The following TEAD2 variants were observed in gnomAD, a reference collection of about 807,000 sequenced individuals.
TEAD2 encodes TEA domain transcription factor 2.
A neutral mutation model predicts 61.4 loss-of-function variants in TEAD2; 51 were observed. That is an observed-to-expected ratio of 0.83 (90% CI 0.66 to 1.05). TEAD2 has a LOEUF of 1.05. Among genes scored for constraint, TEAD2 ranks in the 50% least tolerant of loss-of-function variants. The probability of loss-of-function intolerance (pLI) is 0.00; values close to 1 mark genes in which losing one functional copy is unlikely to be tolerated. For missense variants in TEAD2, 509 were observed against 600.0 expected (o/e 0.85, Z 1.58); for synonymous variants, 244 against 243.2 (o/e 1.00, Z -0.03).
At chr19:49,354,268 T>C (rs1308343993) in intron 7 of TEAD2, among the ~76,000 whole-genome samples, 6 of 148,072 alleles carry the variant, frequency 4.1e-5, no homozygotes, top group African/African-American at 1.5e-4. Flanking sequence ...CTTTGGGAGG[T>C]CCAGGCAGGG....
chr19:49,355,490 G>C (rs750385203), intron 5 of TEAD2, 71 bp from the exon 6 acceptor site: 13 of 1,355,498 alleles, frequency 9.6e-6, no homozygotes, highest in Non-Finnish European at 1.4e-5. Context: ...GATGGTGCCA[G>C]GGTGGGGTGA....
intron 9 of TEAD2, among the ~76,000 whole-genome samples, chr19:49,347,763 C>G (rs540067666): frequency 1.3e-5 from 2 of 152,334 alleles, no homozygotes; most frequent in South Asian, 4.1e-4. Flanking sequence ...GCTCACACCC[C>G]CTAGGCCTGG....
intron 7 of TEAD2, among the ~76,000 whole-genome samples, chr19:49,353,857 T>C (rs149788726): frequency 0.017 from 2,609 of 151,592 alleles, 72 homozygotes; most frequent in African/African-American, 0.054. Context: ...CTTGGCTCAA[T>C]GCAACCTCTG....
At position 49,359,769 on chromosome 19, in the gene TEAD2, A is replaced by C. The variant is rs112575686; in HGVS notation, c.232+75T>G. On this transcript the variant is annotated intron_variant, in intron 2 of 12. Transcript: ENST00000593945. This position sits in a 1 kb window ranked among gnomAD's most constrained non-coding sequence, Gnocchi z 4.1. Reference sequence around the variant, plus strand: ...AAATGGTGATGCTAGCTCCTACTTCAGAGTGCTCCATAAACCTTGGTTACT... The same window carrying C: ...AAATGGTGATGCTAGCTCCTACTTCCGAGTGCTCCATAAACCTTGGTTACT... The C allele has an allele frequency of 6.9e-6, 10 of 1,451,604 alleles. No individual in the cohort carries two copies. The highest frequency in any genetic ancestry group is 9.5e-6 in the Non-Finnish European group (10 of 1,049,890). 89.9% of individuals were successfully genotyped at this position (1,451,604 alleles called of 1,614,324 possible).
At position 49,341,759 on chromosome 19, in the gene TEAD2, C is replaced by T. The variant is rs1182108194; in HGVS notation, c.1243-322G>A. On this transcript the variant is annotated intron_variant, in intron 12 of 12. Transcript: ENST00000593945. The surrounding 1 kb of genome is among the most constrained non-coding windows in gnomAD (Gnocchi z 4.2). ...AAGGGAGAACCCTCCCTGCAGGTTCCGCGGTCAAGGGGTCTCTGCCTCAGC... is the reference window on the plus strand; with the variant it reads ...AAGGGAGAACCCTCCCTGCAGGTTCTGCGGTCAAGGGGTCTCTGCCTCAGC... Among the ~76,000 whole-genome samples the T allele has an allele frequency of 1.3e-5, 2 of 152,112 alleles. No individual in the cohort carries two copies. The highest frequency in any genetic ancestry group is 1.5e-5 in the Non-Finnish European group (1 of 68,012).
chr19:49,342,146 C>A (rs1029374756), intron 12 of TEAD2, among the ~76,000 whole-genome samples: 2 of 151,830 alleles, frequency 1.3e-5, no homozygotes, highest in African/African-American at 4.8e-5. Context: ...GAGCCGAGAT[C>A]TTGCCACTGC....
intron 1 of TEAD2, among the ~76,000 whole-genome samples, chr19:49,360,747 AGAGAGGGAGGGG>A: frequency 1.4e-5 from 1 of 73,482 alleles, no homozygotes; most frequent in Non-Finnish European, 2.8e-5. Flanking sequence ...ACAGAGACCC[AGAGAGGGAGGGG>A]GACAGAGACC....
intron 8 of TEAD2, among the ~76,000 whole-genome samples, chr19:49,349,281 G>A (rs1234308334): frequency 6.6e-6 from 1 of 152,122 alleles, no homozygotes; most frequent in Non-Finnish European, 1.5e-5. Flanking sequence ...GGCTAACATG[G>A]TGAAACCCTG....
chr19:49,347,274 G>A lies in TEAD2; in HGVS notation c.837C>T (p.Tyr279=), dbSNP rs369646009. ...CACCCTTTTTCTCAGGGAATTTGTC[G>A]TAGATCTGCCGGACGTCCACACTCT... is the stretch of plus-strand genomic sequence containing the variant. ...PLESVDVRQI[Y]DKFPEKKGGL... is the part of the protein sequence containing the mutation. Residue 279 remains tyrosine (Y), a synonymous_variant, in exon 10 of 13, where the codon TAC becomes TAT. Coordinates refer to ENST00000593945, the MANE Select transcript of TEAD2 (RefSeq NM_001256660.2). 5.9e-5 allele frequency: 95 copies of A among 1,613,892 alleles called. No homozygotes were observed. In the Admixed American group the frequency reaches 1.3e-3, roughly 22 times the overall value.
At chr19:49,351,757 G>A (rs965788027) in intron 7 of TEAD2, among the ~76,000 whole-genome samples, 7 of 152,040 alleles carry the variant, frequency 4.6e-5, no homozygotes, top group East Asian at 1.9e-4. Context: ...AGGTTGAGGC[G>A]GGCAGATCAC....
chr19:49,352,729 G>A (rs979522336), intron 7 of TEAD2, among the ~76,000 whole-genome samples: 4 of 152,056 alleles, frequency 2.6e-5, no homozygotes, highest in Admixed American at 6.6e-5. Flanking sequence ...TAGTAGAGAC[G>A]GGGTTTCACT....
Position 49,341,373 on chromosome 19 carries a change from G to A in TEAD2, c.1307C>T (p.Thr436Ile), listed in dbSNP as rs752147223. The A allele has an allele frequency of 1.1e-5, 17 of 1,614,084 alleles. No individual in the cohort carries two copies. Among genetic ancestry groups the A allele is most frequent in the Non-Finnish European group, 1.4e-5 (16 of 1,179,990 alleles). Residue 436 changes from threonine to isoleucine, a missense_variant, in exon 13 of 13, where the codon ACC becomes ATC. Transcript: ENST00000593945. This position sits in a 1 kb window ranked among gnomAD's most constrained non-coding sequence, Gnocchi z 4.2. ...GTGATGCTGGGCCCCACGCTCGCTG[G>A]TGGAGACCTCGAAGACATAGGCGGT... The part of the protein sequence containing the change: ...LCTAYVFEVS[T>I]SERGAQHHIY...
Position 49,353,563 on chromosome 19 carries a change from C to T in TEAD2, c.539+1585G>A, listed in dbSNP as rs142554915. Among the ~76,000 whole-genome samples the T allele has an allele frequency of 1.1e-4, 16 of 152,278 alleles. No homozygotes were observed. In the East Asian group the frequency reaches 1.7e-3, roughly 16 times the overall value. ...TTTATGCAGGTGATGATTTGATGAACGCTCATTTCCCCCATTTGACTAACA... is the reference window on the plus strand; with the variant it reads ...TTTATGCAGGTGATGATTTGATGAATGCTCATTTCCCCCATTTGACTAACA... On this transcript the variant is annotated intron_variant, in intron 7 of 12. Coordinates refer to ENST00000593945, the MANE Select transcript of TEAD2 (RefSeq NM_001256660.2).
At chr19:49,349,634 G>A (rs957812478) in intron 8 of TEAD2, among the ~76,000 whole-genome samples, 2 of 152,014 alleles carry the variant, frequency 1.3e-5, no homozygotes, top group South Asian at 2.1e-4. Flanking sequence ...GCCTGGCTTC[G>A]CTCTCTTGCT....
chr19:49,348,680 G>T, intron 9 of TEAD2, 23 bp downstream of exon 9: 1 of 1,605,216 alleles, frequency 6.2e-7, no homozygotes, highest in Non-Finnish European at 8.5e-7. Flanking sequence ...ATCCCTCAGC[G>T]ACTGTACCAA....
intron 10 of TEAD2, among the ~76,000 whole-genome samples, chr19:49,345,907 G>A (rs1386813310): frequency 6.6e-6 from 1 of 152,034 alleles, no homozygotes; most frequent in African/African-American, 2.4e-5. Context: ...GCTCATGCCT[G>A]TAATCCCAGC....
intron 10 of TEAD2, 82 bp downstream of exon 10, chr19:49,347,108 G>A (rs548048984): frequency 3.2e-5 from 50 of 1,552,426 alleles, no homozygotes; most frequent in African/African-American, 1.5e-4. Flanking sequence ...TAGGGCCCGC[G>A]ACAGATTCTC....
intron 7 of TEAD2, 138 bp downstream of exon 7, chr19:49,355,006 AATAC>A: frequency 1.1e-5 from 6 of 540,100 alleles, no homozygotes; most frequent in Non-Finnish European, 2.1e-5. Context: ...CATGTCAATA[AATAC>A]ATACATACAT....
intron 1 of TEAD2, chr19:49,360,333 G>A (rs1972757395): frequency 3.9e-6 from 2 of 517,504 alleles, no homozygotes; most frequent in Non-Finnish European, 6.8e-6. Flanking sequence ...GGAGGATCTG[G>A]GGCCTGGACT....
Sources: gnomAD v4.1 joint callset for allele counts (sites outside exome capture counted in the v4.1 genomes callset) on GRCh38, gnomAD v4.1.1 for gene constraint, Gnocchi (gnomAD v3.1) non-coding constraint, MANE v1.5 for transcripts, NCBI Gene and HGNC (gene_info 2026-07-23, HGNC 2026-07-21) for gene names.